Variants in E2F3 observed in about 807,000 individuals in gnomAD.
E2F3 encodes transcription factor E2F3.
A neutral mutation model predicts 44.4 loss-of-function variants in E2F3; 11 were observed. The ratio of observed to expected loss-of-function variants is 0.25; its 90% confidence interval spans 0.16 to 0.41. E2F3 has a LOEUF of 0.41. Among genes scored for constraint, E2F3 ranks in the 10% least tolerant of loss-of-function variants. The pLI is 1.00. For missense variants in E2F3, 487 were observed against 583.6 expected (o/e 0.83, Z 1.70); for synonymous variants, 249 against 253.0 (o/e 0.98, Z 0.15).
In E2F3 at chr6:20,492,587, G is replaced by C. The variant is rs1335226057; in HGVS notation, c.*2157G>C. On this transcript the variant is annotated 3_prime_UTR_variant, in exon 7 of 7. Transcript: ENST00000346618. ...CAGCTTTGTGTAATTCTCTTTGCCA[G>C]CTGCACAAAGCTGATTTTTTCCAAA... 1 of 232,452 alleles carries C rather than the reference G, an allele frequency of 4.3e-6. No homozygotes were observed. The highest frequency in any genetic ancestry group is 8.5e-6 in the Non-Finnish European group (1 of 117,302). 14.4% of individuals were successfully genotyped at this position (232,452 alleles called of 1,614,324 possible). A position where few individuals can be genotyped will look rare whatever the true frequency, so the allele number is the denominator to read the frequency against.
At chr6:20,424,431 GT>G (rs1303545250) in intron 1 of E2F3, among the ~76,000 whole-genome samples, 1 of 151,806 alleles carries the variant, frequency 6.6e-6, no homozygotes, top group Non-Finnish European at 1.5e-5. Context: ...ATGCATGTAT[GT>G]GCTGTGTGCA....
intron 1 of E2F3, among the ~76,000 whole-genome samples, chr6:20,414,930 A>G (rs1164987325): frequency 1.3e-5 from 2 of 152,208 alleles, no homozygotes; most frequent in African/African-American, 2.4e-5. Context: ...GTAGTTACCT[A>G]AAATAGTGAT....
intron 1 of E2F3, among the ~76,000 whole-genome samples, chr6:20,458,424 T>C (rs1028710154): frequency 6.6e-6 from 1 of 152,180 alleles, no homozygotes; most frequent in African/African-American, 2.4e-5. Context: ...CCAGAGTTGG[T>C]TGCTCTGCCC....
chr6:20,482,998 C>G, intron 4 of E2F3, 78 bp downstream of exon 4: 2 of 1,588,958 alleles, frequency 1.3e-6, no homozygotes, highest in South Asian at 1.1e-5. Flanking sequence ...GACTTATGCA[C>G]AAGGTAGATT....
chr6:20,482,703 A>G (rs1277524063), intron 3 of E2F3, 59 bp from the exon 4 acceptor site: 1 of 1,513,356 alleles, frequency 6.6e-7, no homozygotes, highest in Admixed American at 2.3e-5. Context: ...CCAAAGGATC[A>G]TTTCTCCTTC....
At chr6:20,453,485 GCTCACTGCAGCCTCGACCTC>G (rs1226850131) in intron 1 of E2F3, among the ~76,000 whole-genome samples, 2 of 152,096 alleles carry the variant, frequency 1.3e-5, no homozygotes, top group Non-Finnish European at 2.9e-5. Flanking sequence ...TGCAGTGACG[GCTCACTGCAGCCTCGACCTC>G]CTGTGCTCAG....
At chr6:20,431,008 A>G (rs972952182) in intron 1 of E2F3, among the ~76,000 whole-genome samples, 3 of 152,170 alleles carry the variant, frequency 2.0e-5, no homozygotes, top group Admixed American at 2.0e-4. Context: ...CTGGGCAACC[A>G]AGAGAGACTC....
intron 1 of E2F3, among the ~76,000 whole-genome samples, chr6:20,473,943 A>G (rs1761967609): frequency 6.6e-6 from 1 of 152,242 alleles, no homozygotes; most frequent in East Asian, 1.9e-4. Flanking sequence ...ATCAGTCTCA[A>G]GTCTTGTCTT....
At chr6:20,435,939 T>C (rs1338084946) in intron 1 of E2F3, among the ~76,000 whole-genome samples, 1 of 151,738 alleles carries the variant, frequency 6.6e-6, no homozygotes, top group African/African-American at 2.4e-5. Context: ...GAAAGAGAAC[T>C]TTTCCAGGCT....
intron 1 of E2F3, among the ~76,000 whole-genome samples, chr6:20,446,848 T>G (rs895847914): frequency 1.3e-5 from 2 of 152,108 alleles, no homozygotes; most frequent in African/African-American, 2.4e-5. Flanking sequence ...ATTACAGGAG[T>G]GAGCAACCAT....
In E2F3 at chr6:20,479,951, C is replaced by A. The variant is rs765490400; in HGVS notation, c.499C>A (p.Pro167Thr). ...AGCTGCACTACGAAGTCCAGATAGT[C>A]CAAAAAGTAAGGATCTTTTCATCTC... ...GRAALRSPDS[P>T]KTPKSPSEKT... is the part of the protein sequence containing the mutation. Residue 167 changes from proline to threonine, a missense_variant, in exon 2 of 7, where the codon CCA becomes ACA. This residue lies in a region of E2F3 where 238 missense variants were observed against 236.0 expected (regional missense o/e 1.01). Coordinates refer to ENST00000346618, the MANE Select transcript of E2F3 (RefSeq NM_001949.5). 2 of 1,606,748 alleles carry A rather than the reference C, an allele frequency of 1.2e-6. No homozygotes were observed. The highest frequency in any genetic ancestry group is 1.7e-6 in the Non-Finnish European group (2 of 1,176,300).
intron 1 of E2F3, among the ~76,000 whole-genome samples, chr6:20,443,615 G>C (rs1411659486): frequency 6.6e-6 from 1 of 151,950 alleles, no homozygotes; most frequent in East Asian, 2.0e-4. Context: ...CACGCCTGTA[G>C]TCTTAGTTAC....
Position 20,482,762 on chromosome 6 carries a change from G to T in E2F3, c.726G>T (p.Met242Ile), listed in dbSNP as rs1423702401. 6.2e-7 allele frequency: 1 copy of T among 1,601,282 alleles called. No homozygotes were observed. The highest frequency in any genetic ancestry group is 1.1e-5 in the South Asian group (1 of 89,618). Residue 242 changes from methionine to isoleucine, a missense_variant and splice_region_variant, in exon 4 of 7, where the codon ATG (methionine) becomes ATT (isoleucine). Met to Ile is a conservative substitution (Grantham distance 10). Around this residue, in one of 3 missense-constraint regions of E2F3, gnomAD observed 220 missense variants for 261.7 expected, o/e 0.84. Transcript: ENST00000346618. ...KKKSKNNVQW[M>I]GCSLSEDGGM... is the part of the protein sequence containing the mutation. ...GAAGAGTCTGTGTTTGGGTTTCTAG[G>T]GGCTGCAGTCTGTCTGAGGATGGGG...
At chr6:20,405,003 T>C (rs1170497910) in intron 1 of E2F3, among the ~76,000 whole-genome samples, 1 of 152,218 alleles carries the variant, frequency 6.6e-6, no homozygotes, top group African/African-American at 2.4e-5. Context: ...GGGGTAGTTT[T>C]GATAATGGGA....
chr6:20,445,402 G>T (rs1222064903), intron 1 of E2F3, among the ~76,000 whole-genome samples: 1 of 152,080 alleles, frequency 6.6e-6, no homozygotes, highest in East Asian at 1.9e-4. Context: ...ACCAAGCCCA[G>T]CTAATTTTTG....
intron 1 of E2F3, among the ~76,000 whole-genome samples, chr6:20,476,265 A>G (rs942067235): frequency 3.3e-5 from 5 of 151,928 alleles, no homozygotes; most frequent in African/African-American, 9.7e-5. Context: ...CAGCTACTCG[A>G]GAGGCTGAGG....
Position 20,434,344 on chromosome 6 carries a change from G to A in E2F3, c.393+31719G>A, listed in dbSNP as rs76343878. Reference sequence around the variant, plus strand: ...AAAGAAGCAAGAAAACTTTAGACTGGTTTCTTAACAGTTTGCTATCTGTAT... The same window carrying A: ...AAAGAAGCAAGAAAACTTTAGACTGATTTCTTAACAGTTTGCTATCTGTAT... On this transcript the variant is annotated intron_variant, in intron 1 of 6. Coordinates refer to ENST00000346618, the MANE Select transcript of E2F3 (RefSeq NM_001949.5). Among the ~76,000 whole-genome samples the A allele has an allele frequency of 6.7e-3, 1,018 of 152,280 alleles. 9 individuals carry two copies. The highest frequency in any genetic ancestry group is 0.023 in the African/African-American group (971 of 41,538).
At chr6:20,445,562 ATTTG>A (rs980345326) in intron 1 of E2F3, among the ~76,000 whole-genome samples, 6 of 152,266 alleles carry the variant, frequency 3.9e-5, no homozygotes, top group African/African-American at 1.4e-4. Context: ...CCCCCTCTAC[ATTTG>A]TTTATAAAAC....
rs68162662 is a variant in E2F3 at position 20,435,974 on chromosome 6, C to CT, written c.393+33371dup. On this transcript the variant is annotated intron_variant, in intron 1 of 6. Transcript: ENST00000346618. ...TAAGATCATACATTAAAGAATTGTCCTTTTTTTTTTTTTTTTTTTTTTCCA... is the reference window on the plus strand; with the variant it reads ...TAAGATCATACATTAAAGAATTGTCCTTTTTTTTTTTTTTTTTTTTTTTCCA... 2.2e-3 allele frequency among the ~76,000 whole-genome samples: 314 copies of CT among 140,484 alleles called. 5 individuals are homozygous for CT. Among genetic ancestry groups the CT allele is most frequent in the African/African-American group, 6.6e-3 (222 of 33,804 alleles). 92.2% of individuals were successfully genotyped at this position (140,484 alleles called of 152,430 possible). A position where few individuals can be genotyped will look rare whatever the true frequency, so the allele number is the denominator to read the frequency against.
Sources: gnomAD v4.1 joint callset for allele counts (sites outside exome capture counted in the v4.1 genomes callset) on GRCh38, gnomAD v4.1.1 for gene constraint, gnomAD v4.1.1 regional missense constraint, MANE v1.5 for transcripts, NCBI Gene and HGNC (gene_info 2026-07-23, HGNC 2026-07-21) for gene names.